Variants in VDAC1 observed in about 807,000 individuals in gnomAD.
VDAC1 encodes the protein non-selective voltage-gated ion channel VDAC1.
A neutral mutation model predicts 34.7 loss-of-function variants in VDAC1; 10 were observed. That is an observed-to-expected ratio of 0.29 (90% CI 0.18 to 0.49). The LOEUF is 0.49. Among genes scored for constraint, VDAC1 ranks in the 20% least tolerant of loss-of-function variants. The pLI is 0.99. For missense variants in VDAC1, 230 were observed against 347.9 expected, an observed-to-expected ratio of 0.66 and a Z score of 2.69; for synonymous variants, 130 against 136.0, an observed-to-expected ratio of 0.96 and a Z score of 0.30.
At chr5:134,063,547 T>G in the VDAC1 span, among the ~76,000 whole-genome samples, 1 of 152,226 alleles carries the variant, frequency 6.6e-6, no homozygotes, top group Non-Finnish European at 1.5e-5. Context: ...CACTGGGGCT[T>G]GCTGTATTTT....
the VDAC1 span, among the ~76,000 whole-genome samples, chr5:134,077,751 G>A: frequency 0.039 from 5,935 of 152,250 alleles, 399 homozygotes; most frequent in African/African-American, 0.14. Context: ...ACCCAGCCTG[G>A]GGCAGGGAAG....
chr5:134,098,939 G>T, the VDAC1 span, among the ~76,000 whole-genome samples: 1 of 152,244 alleles, frequency 6.6e-6, no homozygotes, highest in Non-Finnish European at 1.5e-5. Context: ...AACCTGTTCA[G>T]GAGCAGTGGG....
chr5:133,984,460 G>A (rs1752829910), intron 5 of VDAC1, among the ~76,000 whole-genome samples: 1 of 131,118 alleles, frequency 7.6e-6, no homozygotes, highest in Non-Finnish European at 1.7e-5. Context: ...GTGTGTGTGT[G>A]TGTGTGTGTA....
chr5:133,977,708 G>C (rs903516279), intron 6 of VDAC1, among the ~76,000 whole-genome samples: 1 of 152,248 alleles, frequency 6.6e-6, no homozygotes, highest in East Asian at 1.9e-4. Flanking sequence ...ACTGGTGCCT[G>C]GTCAGAAGCA....
chr5:134,107,593 C>T, the VDAC1 span, among the ~76,000 whole-genome samples: 1 of 152,326 alleles, frequency 6.6e-6, no homozygotes, highest in African/African-American at 2.4e-5. Flanking sequence ...GCCCTCCCCA[C>T]CCTGGTCCCC....
At chr5:134,066,239 C>T in the VDAC1 span, among the ~76,000 whole-genome samples, 18 of 151,946 alleles carry the variant, frequency 1.2e-4, no homozygotes, top group Middle Eastern at 3.4e-3. Flanking sequence ...CCTGACCTTG[C>T]GATCCACCCA....
chr5:134,053,984 T>C, the VDAC1 span, among the ~76,000 whole-genome samples: 2 of 152,232 alleles, frequency 1.3e-5, no homozygotes, highest in African/African-American at 4.8e-5. Flanking sequence ...TCCTTTGTTG[T>C]GCAAGCTGCT....
chr5:134,031,777 C>A, the VDAC1 span, among the ~76,000 whole-genome samples: 1 of 151,962 alleles, frequency 6.6e-6, no homozygotes, highest in Non-Finnish European at 1.5e-5. Context: ...ATGGCGAAAC[C>A]CCATCTCTAC....
At chr5:134,050,243 G>A in the VDAC1 span, among the ~76,000 whole-genome samples, 31 of 152,042 alleles carry the variant, frequency 2.0e-4, 1 homozygote, top group Non-Finnish European at 3.7e-4. Flanking sequence ...GCAAGACTCC[G>A]TCTAAAAGAA....
the VDAC1 span, among the ~76,000 whole-genome samples, chr5:134,035,881 C>T: frequency 6.6e-6 from 1 of 151,870 alleles, no homozygotes; most frequent in East Asian, 1.9e-4. Flanking sequence ...TGGCAGGTGC[C>T]TGAAATCCGA....
upstream of VDAC1, among the ~76,000 whole-genome samples, chr5:134,006,903 G>T (rs748121356): frequency 1.3e-5 from 2 of 152,204 alleles, no homozygotes; most frequent in East Asian, 3.9e-4. Context: ...GCCTCTAAGA[G>T]CCTCAGCTTC....
At chr5:133,979,424 C>CTTTTTTTTTTTTTTTTTTTTTT (rs71581380) in intron 6 of VDAC1, among the ~76,000 whole-genome samples, 2 of 80,992 alleles carry the variant, frequency 2.5e-5, no homozygotes, top group Non-Finnish European at 4.2e-5. Flanking sequence ...ATTTTCTTTG[C>CTTTTTTTTTTTTTTTTTTTTTT]TTTTTTTTTT....
chr5:134,016,459 C>CA, the VDAC1 span, among the ~76,000 whole-genome samples: 1 of 152,158 alleles, frequency 6.6e-6, no homozygotes, highest in Non-Finnish European at 1.5e-5. Flanking sequence ...GCTGAGATCC[C>CA]TTTGTATTGC....
chr5:134,091,724 G>A, the VDAC1 span, among the ~76,000 whole-genome samples: 10 of 152,316 alleles, frequency 6.6e-5, no homozygotes, highest in Non-Finnish European at 5.9e-5. Flanking sequence ...ACCAGGCGCC[G>A]TTCTAAGCAC....
chr5:133,988,546 C>T (rs566659540), intron 5 of VDAC1, among the ~76,000 whole-genome samples: 25 of 152,112 alleles, frequency 1.6e-4, no homozygotes, highest in Admixed American at 5.2e-4. Flanking sequence ...AGGTGGATCA[C>T]GAGGTCAGAA....
the VDAC1 span, among the ~76,000 whole-genome samples, chr5:134,019,430 A>G: frequency 3.3e-5 from 5 of 152,054 alleles, no homozygotes; most frequent in Non-Finnish European, 4.4e-5. Context: ...ATTAAAAAAT[A>G]TTAGCCAGAT....
chr5:133,990,939 A>G, intron 4 of VDAC1, 32 bp from the exon 5 acceptor site: 1 of 1,599,514 alleles, frequency 6.3e-7, no homozygotes, highest in African/African-American at 1.3e-5. Flanking sequence ...CACTAGATTT[A>G]GTCACAAGGC....
the VDAC1 span, among the ~76,000 whole-genome samples, chr5:134,016,198 T>C: frequency 1.3e-5 from 2 of 152,120 alleles, no homozygotes; most frequent in East Asian, 1.9e-4. Flanking sequence ...AGATTGCAAT[T>C]TGGGGTAAGT....
the VDAC1 span, among the ~76,000 whole-genome samples, chr5:134,106,772 C>CA: frequency 6.6e-6 from 1 of 152,000 alleles, no homozygotes; most frequent in Non-Finnish European, 1.5e-5. Flanking sequence ...ACTTACGAAC[C>CA]AAAAAAGGGT....
Sources: gnomAD v4.1 joint callset for allele counts (sites outside exome capture counted in the v4.1 genomes callset) on GRCh38, gnomAD v4.1.1 for gene constraint, MANE v1.5 for transcripts, NCBI Gene and HGNC (gene_info 2026-07-23, HGNC 2026-07-21) for gene names.